NEK7: variants seen among roughly 807,000 people sequenced by gnomAD.
NEK7 encodes NIMA related kinase 7.
A neutral mutation model predicts 44.6 loss-of-function variants in NEK7; 18 were observed. The observed-to-expected ratio is 0.40, with a 90% confidence interval of 0.28 to 0.60. The LOEUF (loss-of-function observed/expected upper bound fraction) is 0.60, where lower values mean the gene tolerates loss of function less well. Ranked by LOEUF, NEK7 falls within the 20% of genes least tolerant of loss-of-function variation. The pLI is 0.38. For missense variants in NEK7, 256 were observed against 366.5 expected (o/e 0.70, Z 2.46); for synonymous variants, 130 against 121.1 (o/e 1.07, Z -0.48).
intron 7 of NEK7, among the ~76,000 whole-genome samples, 173 bp downstream of exon 7, chr1:198,279,234 T>C (rs1157998350): frequency 6.6e-6 from 1 of 151,908 alleles, no homozygotes; most frequent in Non-Finnish European, 1.5e-5. Context: ...TCCTCTAATA[T>C]GACAGTTGGA....
At chr1:198,318,816 A>G (rs767499181) in intron 9 of NEK7, among the ~76,000 whole-genome samples, 2 of 152,122 alleles carry the variant, frequency 1.3e-5, no homozygotes, top group Non-Finnish European at 2.9e-5. Context: ...TCTCTCATCT[A>G]TAAAGTGAGG....
chr1:198,235,912 GT>G (rs1359332182), intron 2 of NEK7, among the ~76,000 whole-genome samples: 2 of 152,142 alleles, frequency 1.3e-5, no homozygotes, highest in Non-Finnish European at 2.9e-5. Flanking sequence ...TATTCTTACA[GT>G]GTGGAAAGTA....
At chr1:198,201,102 A>G (rs1333714790) in intron 1 of NEK7, among the ~76,000 whole-genome samples, 1 of 152,206 alleles carries the variant, frequency 6.6e-6, no homozygotes, top group East Asian at 1.9e-4. Flanking sequence ...TTCATTGTAT[A>G]TAATTGCTTA....
intron 1 of NEK7, among the ~76,000 whole-genome samples, chr1:198,195,285 C>T (rs1164896676): frequency 2.6e-5 from 4 of 152,046 alleles, no homozygotes; most frequent in Non-Finnish European, 5.9e-5. Flanking sequence ...TCCCCTAGGG[C>T]CTAGCACAGG....
intron 1 of NEK7, among the ~76,000 whole-genome samples, chr1:198,191,927 C>CA (rs1460717341): frequency 1.3e-5 from 2 of 152,018 alleles, no homozygotes; most frequent in Non-Finnish European, 2.9e-5. Context: ...CCACTTGTCT[C>CA]AAAGATTTTT....
At chr1:198,233,715 T>A (rs1044736471) in intron 2 of NEK7, among the ~76,000 whole-genome samples, 2 of 151,760 alleles carry the variant, frequency 1.3e-5, no homozygotes, top group South Asian at 4.2e-4. Flanking sequence ...TAGGCTGTAG[T>A]GTTTTCCAAA....
intron 1 of NEK7, among the ~76,000 whole-genome samples, chr1:198,187,646 C>A (rs1664960387): frequency 6.6e-6 from 1 of 152,144 alleles, no homozygotes. Flanking sequence ...GTCTGGAACA[C>A]CCAGAGCAAC....
At chr1:198,306,192 GCTTT>G (rs1655021608) in intron 9 of NEK7, among the ~76,000 whole-genome samples, 1 of 151,712 alleles carries the variant, frequency 6.6e-6, no homozygotes, top group African/African-American at 2.4e-5. Context: ...TTACGTATTA[GCTTT>G]TAGGAAATAG....
rs185752822 is a variant in NEK7, at chr1:198,208,979, C to T, written c.-28-23574C>T. 2.6e-4 allele frequency among the ~76,000 whole-genome samples: 39 copies of T among 151,536 alleles called. 1 individual carries two copies. Among genetic ancestry groups the T allele is most frequent in the Non-Finnish European group, 4.4e-5 (3 of 67,894 alleles). The stretch of plus-strand genomic sequence containing the variant: ...CCTTCAGCCCTCAGATACTCTGGAC[C>T]GCTAATATGTCTCTATTTCATTAGC... On this transcript the variant is annotated intron_variant, in intron 1 of 9. Coordinates refer to ENST00000367385, the MANE Select transcript of NEK7 (RefSeq NM_133494.3).
At chr1:198,282,770 G>A (rs896515209) in intron 7 of NEK7, among the ~76,000 whole-genome samples, 2 of 152,106 alleles carry the variant, frequency 1.3e-5, no homozygotes, top group African/African-American at 4.8e-5. Context: ...TATTTATTCT[G>A]CCTGAACTGA....
intron 1 of NEK7, among the ~76,000 whole-genome samples, chr1:198,211,884 A>C (rs774731007): frequency 6.6e-6 from 1 of 152,232 alleles, no homozygotes; most frequent in African/African-American, 2.4e-5. Context: ...CGCAGTGGAC[A>C]GTAGCACCAT....
intron 1 of NEK7, among the ~76,000 whole-genome samples, chr1:198,170,787 T>C (rs181785280): frequency 9.5e-4 from 145 of 152,342 alleles, no homozygotes; most frequent in Middle Eastern, 3.4e-3. Flanking sequence ...TTTATGTTTT[T>C]AAAATTTGAT....
At chr1:198,197,881 G>C (rs921865058) in intron 1 of NEK7, 2 of 1,038,340 alleles carry the variant, frequency 1.9e-6, no homozygotes, top group Non-Finnish European at 3.0e-6. Flanking sequence ...GCATCTTCTT[G>C]TCCTCTATCA....
chr1:198,300,688 C>T (rs1654857294), intron 9 of NEK7, among the ~76,000 whole-genome samples: 1 of 151,554 alleles, frequency 6.6e-6, no homozygotes, highest in Non-Finnish European at 1.5e-5. Flanking sequence ...GGGCCTGGGG[C>T]CTGACACATT....
chr1:198,243,279 C>G (rs1052046875), intron 2 of NEK7, among the ~76,000 whole-genome samples: 1 of 152,114 alleles, frequency 6.6e-6, no homozygotes, highest in Non-Finnish European at 1.5e-5. Flanking sequence ...CTTCAGTATG[C>G]AGAATAAATA....
At chr1:198,268,344 C>G (rs566300904) in intron 5 of NEK7, among the ~76,000 whole-genome samples, 1 of 137,964 alleles carries the variant, frequency 7.2e-6, no homozygotes, top group Non-Finnish European at 1.5e-5. Flanking sequence ...TAACTCGAGG[C>G]CTGGCACCAG....
intron 3 of NEK7, among the ~76,000 whole-genome samples, chr1:198,257,712 A>G (rs1653315972): frequency 6.6e-6 from 1 of 152,210 alleles, no homozygotes. Flanking sequence ...GTTAGTTTTT[A>G]CTTGTCAAGG....
Position 198,278,873 on chromosome 1 carries a change from G to A in NEK7, c.482-81G>A, listed in dbSNP as rs866153708. 1.4e-5 allele frequency: 10 copies of A among 711,876 alleles called. No homozygotes were observed. The African/African-American group carries it at 1.5e-4, about 10-fold the overall frequency. The allele number at this position is 711,876 out of a possible 1,614,324, so 44.1% of individuals were successfully genotyped here. On this transcript the variant is annotated intron_variant, in intron 6 of 9. Transcript: ENST00000367385. ...ATGATTAAAATAAATTTTAAATTCT[G>A]TCACGAAAAGTAGTTGTTAATTCCT...
intron 2 of NEK7, among the ~76,000 whole-genome samples, chr1:198,238,015 A>G (rs1238443359): frequency 1.3e-5 from 2 of 152,184 alleles, no homozygotes; most frequent in Non-Finnish European, 2.9e-5. Context: ...AGTGAATACA[A>G]ACTTGGTTTC....
Sources: allele counts gnomAD v4.1 joint callset (sites outside exome capture counted in the v4.1 genomes callset), GRCh38; gene constraint gnomAD v4.1.1; transcripts MANE v1.5; gene names NCBI Gene and HGNC (gene_info 2026-07-23, HGNC 2026-07-21).